TRIO: variants seen among roughly 807,000 people sequenced by gnomAD.
TRIO encodes the protein trio Rho guanine nucleotide exchange factor, also known as triple functional domain protein.
TRIO carries 58 observed loss-of-function variants against 351.9 expected under a neutral mutation model. The observed-to-expected ratio is 0.16, with a 90% confidence interval of 0.13 to 0.21. The LOEUF (loss-of-function observed/expected upper bound fraction) is 0.21. TRIO is among the 10% of genes least tolerant of loss of function. TRIO has a pLI of 1.00. For missense variants in TRIO, 3,201 were observed against 4,027.8 expected (o/e 0.79, Z 5.56); for synonymous variants, 1,758 against 1,595.7 (o/e 1.10, Z -2.42).
In TRIO at chr5:14,293,216, G is replaced by T. The variant is rs1737057818; in HGVS notation, c.1176+82G>T. 31 of 1,587,598 alleles carry T rather than the reference G, an allele frequency of 2.0e-5. 1 individual carries two copies. In the South Asian group the frequency reaches 3.5e-4, roughly 18 times the overall value. ...GGCATTTGGCAAATTGTATGCTAGGGCTTTCAAGGGGCCTTCGGAGTGGCT... is the reference window on the plus strand; with the variant it reads ...GGCATTTGGCAAATTGTATGCTAGGTCTTTCAAGGGGCCTTCGGAGTGGCT... On this transcript the variant is annotated intron_variant, in intron 6 of 56. Transcript: ENST00000344204.
chr5:14,173,957 A>T (rs1316148941), intron 1 of TRIO, among the ~76,000 whole-genome samples: 1 of 152,194 alleles, frequency 6.6e-6, no homozygotes. Flanking sequence ...GTGCTGCCCA[A>T]ATGGCCAGCA....
chr5:14,162,575 T>A (rs1280320924), intron 1 of TRIO, among the ~76,000 whole-genome samples: 1 of 152,220 alleles, frequency 6.6e-6, no homozygotes, highest in East Asian at 1.9e-4. Flanking sequence ...TCCTTAACTT[T>A]GCTTGTATAT....
At chr5:14,274,719 G>T (rs1225912023) in intron 2 of TRIO, among the ~76,000 whole-genome samples, 1 of 151,992 alleles carries the variant, frequency 6.6e-6, no homozygotes, top group African/African-American at 2.4e-5. Context: ...TTGTTTGTTT[G>T]TTTTTTCCCC....
intron 15 of TRIO, among the ~76,000 whole-genome samples, 159 bp from the exon 16 acceptor site, chr5:14,366,701 C>T (rs1026655031): frequency 2.0e-5 from 3 of 152,208 alleles, no homozygotes; most frequent in Non-Finnish European, 2.9e-5. Context: ...CATGGAAGAA[C>T]ATCAGGCTGT....
chr5:14,401,675 CT>C (rs1255213109), intron 31 of TRIO, among the ~76,000 whole-genome samples: 1 of 152,184 alleles, frequency 6.6e-6, no homozygotes, highest in Admixed American at 6.5e-5. Flanking sequence ...GATTTGAACT[CT>C]GTTTTGATTA....
chr5:14,413,327 C>T (rs1424543556), intron 33 of TRIO, among the ~76,000 whole-genome samples: 1 of 152,230 alleles, frequency 6.6e-6, no homozygotes, highest in Non-Finnish European at 1.5e-5. Flanking sequence ...GCGTAAAGCA[C>T]CTTTCCAGCT....
chr5:14,304,323 A>G (rs777848512), intron 7 of TRIO, 138 bp from the exon 8 acceptor site: 18 of 859,350 alleles, frequency 2.1e-5, no homozygotes, highest in Admixed American at 2.9e-5. Context: ...TGAGGATGCC[A>G]TTTGAGATGG....
intron 1 of TRIO, among the ~76,000 whole-genome samples, chr5:14,212,391 T>A (rs1791962217): frequency 6.6e-6 from 1 of 152,128 alleles, no homozygotes. Flanking sequence ...TCTGGAACCT[T>A]CGGGGAACTC....
chr5:14,232,832 T>C (rs773284334), intron 1 of TRIO, among the ~76,000 whole-genome samples: 12 of 152,236 alleles, frequency 7.9e-5, no homozygotes, highest in Non-Finnish European at 1.8e-4. Flanking sequence ...GATGAAAATA[T>C]TTAAAACAAG....
Position 14,487,867 on chromosome 5 carries a change from G to A in TRIO, c.7239G>A (p.Lys2413=). Residue 2413 remains lysine, a synonymous_variant, in exon 48 of 57, where the codon AAG becomes AAA. Coordinates refer to ENST00000344204, the MANE Select transcript of TRIO (RefSeq NM_007118.4). ...EREAEPIPKM[K]VLESPRKGAA... ...AAGCGGAGCCGATCCCCAAGATGAA[G>A]GTGCTGGAGAGCCCCAGGAAAGGCG... 6.5e-7 allele frequency: 1 copy of A among 1,534,916 alleles called. No individual in the cohort carries two copies. The highest frequency in any genetic ancestry group is 8.8e-7 in the Non-Finnish European group (1 of 1,140,906).
At chr5:14,442,945 T>A (rs1291513801) in intron 34 of TRIO, among the ~76,000 whole-genome samples, 1 of 152,202 alleles carries the variant, frequency 6.6e-6, no homozygotes, top group African/African-American at 2.4e-5. Flanking sequence ...CCCCAAAGTT[T>A]AGAACAAAAT....
chr5:14,273,717 T>G (rs928271638), intron 2 of TRIO, among the ~76,000 whole-genome samples: 1 of 152,216 alleles, frequency 6.6e-6, no homozygotes, highest in African/African-American at 2.4e-5. Context: ...AAATGCCCTG[T>G]AGTTTATATT....
At chr5:14,438,770 C>T (rs555982862) in intron 34 of TRIO, among the ~76,000 whole-genome samples, 1 of 152,392 alleles carries the variant, frequency 6.6e-6, no homozygotes, top group South Asian at 2.1e-4. Flanking sequence ...GTCATTTACT[C>T]ACCTCCGCAT....
At chr5:14,427,916 C>T (rs1750784847) in intron 34 of TRIO, among the ~76,000 whole-genome samples, 1 of 152,174 alleles carries the variant, frequency 6.6e-6, no homozygotes, top group Non-Finnish European at 1.5e-5. Context: ...CCTGTCGCCT[C>T]ACCACCCAAA....
At chr5:14,144,480 A>AG (rs1787374294) in intron 1 of TRIO, among the ~76,000 whole-genome samples, 1 of 151,980 alleles carries the variant, frequency 6.6e-6, no homozygotes, top group Admixed American at 6.5e-5. Context: ...CTCACTGCCC[A>AG]GGGAGTGGGG....
chr5:14,395,222 T>C lies in TRIO; in HGVS notation c.4311+1092T>C, dbSNP rs539662953. Reference sequence around the variant, plus strand: ...TGGGATTTTTCAATTGGAAAAGCTCTCCTGTACTTTTATATCAAAATGCCG... The same window carrying C: ...TGGGATTTTTCAATTGGAAAAGCTCCCCTGTACTTTTATATCAAAATGCCG... On this transcript the variant is annotated intron_variant, in intron 28 of 56. Coordinates refer to ENST00000344204, the MANE Select transcript of TRIO (RefSeq NM_007118.4). Among the ~76,000 whole-genome samples the C allele has an allele frequency of 2.0e-5, 3 of 152,362 alleles. No individual in the cohort carries two copies. The East Asian group carries it at 5.8e-4, about 29-fold the overall frequency.
Position 14,183,742 on chromosome 5 carries a change from T to C in TRIO, c.157+39860T>C, listed in dbSNP as rs1019471200. The C allele has an allele frequency of 1.0e-4, 50 of 491,456 alleles. No individual in the cohort carries two copies. The East Asian group carries it at 1.7e-3, about 17-fold the overall frequency. 30.4% of individuals were successfully genotyped at this position (491,456 alleles called of 1,614,324 possible). On this transcript the variant is annotated intron_variant, in intron 1 of 56. Transcript: ENST00000344204. ...TGCTGTTTCTGCCCCTCCCGTTTGC[T>C]GAGGAGGGAAGGCATGCGGCCGCAG...
At chr5:14,469,228 C>T (rs146737151) in intron 37 of TRIO, among the ~76,000 whole-genome samples, 1 of 152,080 alleles carries the variant, frequency 6.6e-6, no homozygotes, top group African/African-American at 2.4e-5. Flanking sequence ...AAAACGGTAG[C>T]ATAATAAAAC....
intron 34 of TRIO, among the ~76,000 whole-genome samples, chr5:14,427,472 G>C (rs1013028382): frequency 6.6e-6 from 1 of 152,150 alleles, no homozygotes; most frequent in Non-Finnish European, 1.5e-5. Flanking sequence ...ACCCCAGCAC[G>C]GGGGATACGC....
Sources: gnomAD v4.1 joint callset for allele counts (sites outside exome capture counted in the v4.1 genomes callset) on GRCh38, gnomAD v4.1.1 for gene constraint, MANE v1.5 for transcripts, NCBI Gene and HGNC (gene_info 2026-07-23, HGNC 2026-07-21) for gene names.